FAAP100: variants seen among roughly 807,000 people sequenced by gnomAD.
FAAP100 encodes the protein FA core complex associated protein 100, also known as Fanconi anemia core complex-associated protein 100.
A neutral mutation model predicts 65.8 loss-of-function variants in FAAP100; 46 were observed. That is an observed-to-expected ratio of 0.70 (90% CI 0.55 to 0.89). FAAP100 has a LOEUF of 0.89. Ranked by LOEUF, FAAP100 falls within the 40% of genes least tolerant of loss-of-function variation. The probability of loss-of-function intolerance (pLI) is 0.00; values close to 1 mark genes in which losing one functional copy is unlikely to be tolerated. For synonymous variants in FAAP100, 663 were observed against 555.1 expected (o/e 1.19, Z -2.73); for missense variants, 1,165 against 1,196.7 (o/e 0.97, Z 0.39).
At chr17:81,552,923 TCCGTG>T (rs1202412309), upstream of FAAP100, among the ~76,000 whole-genome samples, 1 of 151,440 alleles carries the variant, frequency 6.6e-6, no homozygotes, top group Non-Finnish European at 1.5e-5. Flanking sequence ...CGTCCCTCCC[TCCGTG>T]GCTGAACACG....
In FAAP100 at chr17:81,552,352, G is replaced by A. The variant is rs1472247878; in HGVS notation, c.-22C>T. On this transcript the variant is annotated 5_prime_UTR_variant, in exon 1 of 9. Coordinates refer to ENST00000327787, the MANE Select transcript of FAAP100 (RefSeq NM_025161.6). ...CCATCGTGCGCGCGGGCCCGTCAGAGTGAGAAGCCCCGGCCGCGCGGCGGC... is the reference window on the plus strand; with the variant it reads ...CCATCGTGCGCGCGGGCCCGTCAGAATGAGAAGCCCCGGCCGCGCGGCGGC... The A allele has an allele frequency of 6.7e-6, 9 of 1,344,204 alleles. No homozygotes were observed. The highest frequency in any genetic ancestry group is 2.0e-5 in the South Asian group (1 of 51,128). The allele number at this position is 1,344,204 out of a possible 1,614,324, so 83.3% of individuals were successfully genotyped here.
Position 81,547,063 on chromosome 17 carries a change from T to C in FAAP100, c.2019A>G (p.Arg673=). The C allele has an allele frequency of 6.4e-7, 1 of 1,554,814 alleles. No homozygotes were observed. The highest frequency in any genetic ancestry group is 1.4e-5 in the African/African-American group (1 of 72,768). The change falls in exon 5 of 9, where the codon CGA becomes CGG. Residue 673 remains arginine (R), a synonymous_variant. Transcript: ENST00000327787. ...TRAPSPLGPT[R]DPVATFLETC... is the part of the protein sequence containing the mutation. ...TTTCCAGAAAAGTGGCCACAGGGTC[T>C]CGGGTGGGGCCGAGTGGGGAGGGGG...
Position 81,552,347 on chromosome 17 carries a change from T to C in FAAP100, c.-17A>G. On this transcript the variant is annotated 5_prime_UTR_variant, in exon 1 of 9. Transcript: ENST00000327787. ...GCCGGCCATCGTGCGCGCGGGCCCGTCAGAGTGAGAAGCCCCGGCCGCGCG... is the reference window on the plus strand; with the variant it reads ...GCCGGCCATCGTGCGCGCGGGCCCGCCAGAGTGAGAAGCCCCGGCCGCGCG... The C allele has an allele frequency of 1.5e-6, 2 of 1,356,452 alleles. No homozygotes were observed. The highest frequency in any genetic ancestry group is 1.9e-6 in the Non-Finnish European group (2 of 1,064,898). 84.0% of individuals were successfully genotyped at this position (1,356,452 alleles called of 1,614,324 possible).
chr17:81,541,585 G>A (rs546077461), intron 7 of FAAP100, among the ~76,000 whole-genome samples, 190 bp from the exon 8 acceptor site: 3 of 152,336 alleles, frequency 2.0e-5, no homozygotes, highest in African/African-American at 7.2e-5. Context: ...AGAGCGGCAG[G>A]GCACAGAGCC....
In FAAP100 at chr17:81,547,370, T is replaced by C. The variant is rs1463646117; in HGVS notation, c.1712A>G (p.Gln571Arg). Residue 571 changes from glutamine to arginine, a missense_variant, in exon 5 of 9, where the codon CAG becomes CGG. Physicochemically the swap from Gln to Arg is conservative, Grantham distance 43 (BLOSUM62 1). Coordinates refer to ENST00000327787, the MANE Select transcript of FAAP100 (RefSeq NM_025161.6). The stretch of plus-strand genomic sequence containing the variant: ...CTCCCGCCGAGCACCGGGGCCGAGC[T>C]GGTCCACGGGGATGGTGTAGGTGAT... The part of the protein sequence containing the change: ...SAITYTIPVD[Q>R]LGPGARREVT... The C allele has an allele frequency of 3.7e-6, 6 of 1,612,878 alleles. No homozygotes were observed. The highest frequency in any genetic ancestry group is 3.3e-5 in the Admixed American group (2 of 60,028).
intron 7 of FAAP100, among the ~76,000 whole-genome samples, chr17:81,542,187 A>AT (rs2033127833): frequency 2.6e-5 from 1 of 39,184 alleles, no homozygotes; most frequent in African/African-American, 1.1e-4. Context: ...AAAAAAAAAA[A>AT]AAAAAAAAAA....
chr17:81,544,939 T>C (rs2033247152), intron 6 of FAAP100, among the ~76,000 whole-genome samples: 2 of 151,864 alleles, frequency 1.3e-5, no homozygotes, highest in South Asian at 4.1e-4. Flanking sequence ...GAGGGTGAGG[T>C]GGGCGGATCA....
At chr17:81,552,081 C>A in intron 1 of FAAP100, 29 bp from the exon 2 acceptor site, 16 of 1,458,566 alleles carry the variant, frequency 1.1e-5, no homozygotes, top group South Asian at 1.4e-5. Context: ...GTCAGGCCGA[C>A]GCGACGCGCG....
At chr17:81,549,148 C>A in intron 4 of FAAP100, 58 bp downstream of exon 4, 3 of 1,592,200 alleles carry the variant, frequency 1.9e-6, no homozygotes, top group East Asian at 2.3e-5. Context: ...CACACAGGGA[C>A]GCTACCTCCC....
At chr17:81,542,809 A>G (rs60965309) in intron 7 of FAAP100, among the ~76,000 whole-genome samples, 20 of 152,318 alleles carry the variant, frequency 1.3e-4, no homozygotes, top group African/African-American at 4.8e-4. Flanking sequence ...AAGAAAAGGG[A>G]TATCTGGACA....
At chr17:81,551,630 C>G in intron 2 of FAAP100, 3 of 1,211,548 alleles carry the variant, frequency 2.5e-6, no homozygotes, top group Non-Finnish European at 3.2e-6. Flanking sequence ...AATAAAGACC[C>G]AACCTCGGGG....
chr17:81,548,291 C>T, intron 4 of FAAP100: 1 of 451,148 alleles, frequency 2.2e-6, no homozygotes, highest in South Asian at 3.9e-5. Context: ...GTGCTGAGAG[C>T]AGGGAGGGTG....
rs557245242 is a variant in FAAP100, at chr17:81,542,669, G to GC, written c.2428-1275dup. Among the ~76,000 whole-genome samples, 379 of 152,294 alleles carry GC rather than the reference G, an allele frequency of 2.5e-3. 1 individual carries two copies. Among genetic ancestry groups the GC allele is most frequent in the African/African-American group, 8.6e-3 (357 of 41,556 alleles). On this transcript the variant is annotated intron_variant, in intron 7 of 8. Coordinates refer to ENST00000327787, the MANE Select transcript of FAAP100 (RefSeq NM_025161.6). ...CATGGGCTCCTGGGCGCTGACTCAG[G>GC]CCCCCCAGATTCATGCGGAAGCCCT... is the stretch of plus-strand genomic sequence containing the variant.
rs966606208 is a variant in FAAP100, at chr17:81,540,057, G to A, written c.*762C>T. 2.6e-6 allele frequency: 1 copy of A among 381,438 alleles called. No individual in the cohort carries two copies. The highest frequency in any genetic ancestry group is 4.6e-6 in the Non-Finnish European group (1 of 219,304). 23.6% of individuals were successfully genotyped at this position (381,438 alleles called of 1,614,324 possible). The stretch of plus-strand genomic sequence containing the variant: ...AGCCCAGGCTGAGGGAGGAGGCTGG[G>A]GGCTGGGGCTCAGGGCCCCCCCCCG... On this transcript the variant is annotated 3_prime_UTR_variant, in exon 9 of 9. Transcript: ENST00000327787.
At chr17:81,542,217 A>G (rs1374407396) in intron 7 of FAAP100, among the ~76,000 whole-genome samples, 3 of 104,436 alleles carry the variant, frequency 2.9e-5, no homozygotes, top group Non-Finnish European at 5.4e-5. Context: ...ATATATATAT[A>G]TATATATATA....
intron 2 of FAAP100, 34 bp from the exon 3 acceptor site, chr17:81,551,237 G>A: frequency 6.8e-7 from 1 of 1,472,996 alleles, no homozygotes; most frequent in Non-Finnish European, 9.1e-7. Flanking sequence ...TCAGGCCTGG[G>A]CAGGGTGGGA....
chr17:81,544,526 C>G (rs2033227783), intron 6 of FAAP100, among the ~76,000 whole-genome samples: 2 of 152,188 alleles, frequency 1.3e-5, no homozygotes, highest in African/African-American at 4.8e-5. Flanking sequence ...CACCAGGCAT[C>G]ACAGATCACC....
At chr17:81,548,321 CTCCCG>C (rs2033382541) in intron 4 of FAAP100, 1 of 360,024 alleles carries the variant, frequency 2.8e-6, no homozygotes, top group Non-Finnish European at 5.1e-6. Context: ...CAGGGGACGT[CTCCCG>C]TGCCCCACTA....
In FAAP100 at chr17:81,550,949, G is replaced by C. The variant is rs1209541204; in HGVS notation, c.545C>G (p.Ala182Gly). The C allele has an allele frequency of 2.5e-6, 4 of 1,612,096 alleles. No homozygotes were observed. The Admixed American group carries it at 6.7e-5, about 27-fold the overall frequency. ...GGCTGCAGGCTTTCCTGGGACCCCG[G>C]CTGGGGGCGTGTAGGAGGACAGCTC... ...EVELSSYTPP[A>G]GVPGKPAAPH... The change falls in exon 3 of 9, where the codon GCC becomes GGC. Residue 182 changes from alanine to glycine, a missense_variant. Physicochemically the swap from Ala to Gly is moderately conservative, Grantham distance 60. Transcript: ENST00000327787.
Sources: allele counts gnomAD v4.1 joint callset (sites outside exome capture counted in the v4.1 genomes callset), GRCh38; gene constraint gnomAD v4.1.1; transcripts MANE v1.5; gene names NCBI Gene and HGNC (gene_info 2026-07-23, HGNC 2026-07-21).